RIMBP2: variants seen among roughly 807,000 people sequenced by gnomAD.
RIMBP2 encodes RIMS binding protein 2, also known as RIMS-binding protein 2.
Under a neutral mutation model 118.6 loss-of-function variants are expected in RIMBP2, and 48 were observed. The observed-to-expected ratio is 0.40, with a 90% confidence interval of 0.32 to 0.51. RIMBP2 has a LOEUF of 0.51. RIMBP2 is among the 20% of genes least tolerant of loss of function. RIMBP2 has a pLI of 0.41. For missense variants in RIMBP2, 1,551 were observed against 1,768.3 expected (o/e 0.88, Z 2.20); for synonymous variants, 762 against 742.9 (o/e 1.03, Z -0.42).
intron 19 of RIMBP2, among the ~76,000 whole-genome samples, chr12:130,410,864 A>G (rs2075656783): frequency 6.6e-6 from 1 of 152,168 alleles, no homozygotes; most frequent in African/African-American, 2.4e-5. Flanking sequence ...CTCCATATAC[A>G]TTTTAGAATT....
At position 130,447,076 on chromosome 12, in the gene RIMBP2, G is replaced by A. The variant is rs1193118733; in HGVS notation, c.582-1807C>T. Among the ~76,000 whole-genome samples, 1 of 151,702 alleles carries A rather than the reference G, an allele frequency of 6.6e-6. No individual in the cohort carries two copies. The highest frequency in any genetic ancestry group is 1.5e-5 in the Non-Finnish European group (1 of 67,894). On this transcript the variant is annotated intron_variant, in intron 9 of 22. Transcript: ENST00000690449. The surrounding 1 kb of genome is among the most constrained non-coding windows in gnomAD (Gnocchi z 4.4). Reference sequence around the variant, plus strand: ...AGAAGCTGGCAGAGTGTTCTCGGAGGAGGAGGAGGAGGAGGAGGGAGCGAG... The same window carrying A: ...AGAAGCTGGCAGAGTGTTCTCGGAGAAGGAGGAGGAGGAGGAGGGAGCGAG...
intron 4 of RIMBP2, among the ~76,000 whole-genome samples, chr12:130,494,913 G>A (rs1458429243): frequency 6.6e-6 from 1 of 152,200 alleles, no homozygotes; most frequent in African/African-American, 2.4e-5. Flanking sequence ...GTGTCGGCAG[G>A]GCCGGATCCT....
intron 1 of RIMBP2, among the ~76,000 whole-genome samples, chr12:130,714,072 C>G (rs994549074): frequency 1.3e-5 from 2 of 152,198 alleles, no homozygotes; most frequent in African/African-American, 4.8e-5. Context: ...CAGCGCTCAC[C>G]AACGTGTGAG....
intron 6 of RIMBP2, 62 bp downstream of exon 6, chr12:130,470,631 A>T: frequency 1.1e-6 from 1 of 947,972 alleles, no homozygotes; most frequent in Non-Finnish European, 1.4e-6. Context: ...TCTAGCAGGC[A>T]TCAGGGCAAC....
At chr12:130,689,367 A>T (rs1485949994) in intron 1 of RIMBP2, among the ~76,000 whole-genome samples, 1 of 152,194 alleles carries the variant, frequency 6.6e-6, no homozygotes, top group South Asian at 2.1e-4. Flanking sequence ...CGGGAGGCGG[A>T]GGTTACAGTG....
At chr12:130,618,072 A>T (rs1426262873) in intron 2 of RIMBP2, among the ~76,000 whole-genome samples, 1 of 151,752 alleles carries the variant, frequency 6.6e-6, no homozygotes, top group African/African-American at 2.4e-5. Context: ...TCTAACTCTC[A>T]TAAGAGTCAC....
At chr12:130,512,831 G>A (rs1261378580) in intron 3 of RIMBP2, among the ~76,000 whole-genome samples, 1 of 152,192 alleles carries the variant, frequency 6.6e-6, no homozygotes, top group Non-Finnish European at 1.5e-5. Context: ...TGAAATGCAA[G>A]ATGAACAACA....
rs761871739 is a variant in RIMBP2 at position 130,428,198 on chromosome 12, G to A, written c.2393C>T (p.Thr798Met). The A allele has an allele frequency of 4.0e-5, 64 of 1,611,574 alleles. 1 individual carries two copies. The Middle Eastern group carries it at 1.3e-3, about 33-fold the overall frequency. Residue 798 changes from threonine to methionine, a missense_variant, in exon 15 of 23, where the codon ACG (threonine) becomes ATG (methionine). This residue lies in a region of RIMBP2 where 1,038 missense variants were observed against 1,125.1 expected (regional missense o/e 0.92). Transcript: ENST00000690449. ...EDGGRRRPSG[T>M]SHNALKDCTD... ...ACTCACCTTGAGGGCATTGTGGGAC[G>A]TGCCGCTGGGCCGCCTCCTTCCCCC...
intron 4 of RIMBP2, among the ~76,000 whole-genome samples, chr12:130,493,403 C>T (rs1022241539): frequency 2.6e-5 from 4 of 152,048 alleles, no homozygotes; most frequent in Non-Finnish European, 4.4e-5. Flanking sequence ...CAACCTCCAC[C>T]TCCTGAGTTC....
intron 15 of RIMBP2, chr12:130,427,356 C>CTAA (rs2076858517): frequency 6.6e-6 from 1 of 152,250 alleles, no homozygotes; most frequent in South Asian, 2.1e-4. Flanking sequence ...AGAGGGCACC[C>CTAA]CTTAGCCTAG....
chr12:130,537,577 G>A lies in RIMBP2; in HGVS notation c.-216-19660C>T, dbSNP rs185864546. ...TGACCCATACCTCTGTGGGGTCATC[G>A]GGAAGGTTAAAATAACCAGCCTATG... On this transcript the variant is annotated intron_variant, in intron 2 of 22. Coordinates refer to ENST00000690449, the MANE Select transcript of RIMBP2 (RefSeq NM_001393629.1). Among the ~76,000 whole-genome samples, 415 of 152,232 alleles carry A rather than the reference G, an allele frequency of 2.7e-3. 3 individuals carry two copies. Among genetic ancestry groups the A allele is most frequent in the African/African-American group, 9.9e-3 (410 of 41,538 alleles).
intron 7 of RIMBP2, among the ~76,000 whole-genome samples, chr12:130,453,306 C>A (rs1035029472): frequency 6.6e-6 from 1 of 152,238 alleles, no homozygotes; most frequent in Admixed American, 6.5e-5. Context: ...TTGTGGCCTG[C>A]CCCAGCCACA....
intron 1 of RIMBP2, among the ~76,000 whole-genome samples, chr12:130,635,994 C>T (rs12817995): frequency 0.11 from 16,109 of 152,134 alleles, 864 homozygotes; most frequent in African/African-American, 0.14. Flanking sequence ...TTCCAGCCTC[C>T]GAGTGAAGGT....
rs568559782 is a variant in RIMBP2 at position 130,447,219 on chromosome 12, G to T, written c.582-1950C>A. Among the ~76,000 whole-genome samples, 118 of 152,008 alleles carry T rather than the reference G, an allele frequency of 7.8e-4. No homozygotes were observed. Among genetic ancestry groups the T allele is most frequent in the Non-Finnish European group, 1.2e-3 (81 of 67,990 alleles). On this transcript the variant is annotated intron_variant, in intron 9 of 22. Coordinates refer to ENST00000690449, the MANE Select transcript of RIMBP2 (RefSeq NM_001393629.1). The surrounding 1 kb of genome is among the most constrained non-coding windows in gnomAD (Gnocchi z 4.4). ...ACCCTGAGAGCTTGAGAGGGAAGCC[G>T]CGGAGGCCAAGAGGGAAGGTGAACA... is the stretch of plus-strand genomic sequence containing the variant.
In RIMBP2 at chr12:130,419,540, T is replaced by G. The variant is rs1190207159; in HGVS notation, c.3238+2913A>C. The G allele has an allele frequency of 6.6e-6, 1 of 152,246 alleles. No individual in the cohort carries two copies. Among genetic ancestry groups the G allele is most frequent in the Non-Finnish European group, 1.5e-5 (1 of 68,048 alleles). The allele number at this position is 152,246 out of a possible 1,614,324, so 9.4% of individuals were successfully genotyped here. Reference sequence around the variant, plus strand: ...TAAACAGAGTTGACAGCTTTTGATTTTTTTTATTGCAGGGAAACCTGAAGA... The same window carrying G: ...TAAACAGAGTTGACAGCTTTTGATTGTTTTTATTGCAGGGAAACCTGAAGA... On this transcript the variant is annotated intron_variant, in intron 17 of 22. Coordinates refer to ENST00000690449, the MANE Select transcript of RIMBP2 (RefSeq NM_001393629.1). The surrounding 1 kb of genome is among the most constrained non-coding windows in gnomAD (Gnocchi z 4.3).
chr12:130,577,577 T>C lies in RIMBP2; in HGVS notation c.-217+50745A>G, dbSNP rs148330379. The stretch of plus-strand genomic sequence containing the variant: ...CTCCCTCACTATCGCGAGAACAGCA[T>C]GGGGGAAACTGCCCCATAATCCAGT... On this transcript the variant is annotated intron_variant, in intron 2 of 22. Coordinates refer to ENST00000690449, the MANE Select transcript of RIMBP2 (RefSeq NM_001393629.1). 2.8e-3 allele frequency among the ~76,000 whole-genome samples: 433 copies of C among 152,222 alleles called. 2 individuals are homozygous for C. The highest frequency in any genetic ancestry group is 9.9e-3 in the African/African-American group (412 of 41,540).
chr12:130,632,802 G>T (rs1290969544), intron 1 of RIMBP2, among the ~76,000 whole-genome samples: 2 of 152,228 alleles, frequency 1.3e-5, no homozygotes, highest in Non-Finnish European at 2.9e-5. Flanking sequence ...ATGTAAAATT[G>T]AGTACAGAGC....
At chr12:130,498,510 G>A (rs894406414) in intron 4 of RIMBP2, among the ~76,000 whole-genome samples, 1 of 151,956 alleles carries the variant, frequency 6.6e-6, no homozygotes, top group African/African-American at 2.4e-5. Flanking sequence ...GGAACCCAGT[G>A]ATGTGCAAGT....
Position 130,670,761 on chromosome 12 carries a change from G to T in RIMBP2, c.-351-42305C>A, listed in dbSNP as rs921637606. Among the ~76,000 whole-genome samples the T allele has an allele frequency of 6.6e-6, 1 of 152,146 alleles. No individual in the cohort carries two copies. On this transcript the variant is annotated intron_variant, in intron 1 of 22. Transcript: ENST00000690449. The surrounding 1 kb of genome is among the most constrained non-coding windows in gnomAD (Gnocchi z 4.9). ...AAGTCTGTTAAAGAAGATTTAGGAA[G>T]ACTTTTCTTTCCATTTATTTATTTA...
Sources: allele counts gnomAD v4.1 joint callset (sites outside exome capture counted in the v4.1 genomes callset), GRCh38; gene constraint gnomAD v4.1.1; regional missense constraint gnomAD v4.1.1; non-coding constraint Gnocchi (gnomAD v3.1); transcripts MANE v1.5; gene names NCBI Gene and HGNC (gene_info 2026-07-23, HGNC 2026-07-21).